CHCHD3: variants seen among roughly 807,000 people sequenced by gnomAD.
CHCHD3 encodes MICOS complex subunit MIC19.
A neutral mutation model predicts 38.2 loss-of-function variants in CHCHD3; 20 were observed. That is an observed-to-expected ratio of 0.52 (90% confidence interval 0.37 to 0.76). The LOEUF (loss-of-function observed/expected upper bound fraction) is 0.76. Among genes scored for constraint, CHCHD3 ranks in the 30% least tolerant of loss-of-function variants. The probability of loss-of-function intolerance (pLI) is 0.00; values close to 1 mark genes in which losing one functional copy is unlikely to be tolerated. For missense variants in CHCHD3, 245 were observed against 279.2 expected (o/e 0.88, Z 0.87); for synonymous variants, 82 against 100.0 (o/e 0.82, Z 1.07).
intron 2 of CHCHD3, among the ~76,000 whole-genome samples, chr7:133,053,237 A>T (rs1194958707): frequency 6.6e-6 from 1 of 152,216 alleles, no homozygotes; most frequent in African/African-American, 2.4e-5. Context: ...TCAGGGCTTA[A>T]ATATCTATCA....
intron 3 of CHCHD3, among the ~76,000 whole-genome samples, chr7:132,987,532 CATT>C (rs1812152509): frequency 6.6e-6 from 1 of 152,154 alleles, no homozygotes; most frequent in Admixed American, 6.5e-5. Context: ...AGATGGACGA[CATT>C]ATGGTGATGA....
chr7:133,021,568 T>TA (rs1253069606), intron 3 of CHCHD3, among the ~76,000 whole-genome samples: 1 of 152,182 alleles, frequency 6.6e-6, no homozygotes, highest in East Asian at 1.9e-4. Flanking sequence ...TCCAACTAAA[T>TA]AAATCTAACT....
At chr7:132,862,866 C>T (rs1808530183) in intron 5 of CHCHD3, among the ~76,000 whole-genome samples, 1 of 152,182 alleles carries the variant, frequency 6.6e-6, no homozygotes, top group East Asian at 1.9e-4. Flanking sequence ...CAAGTTTGCT[C>T]CTCAAACATT....
Position 132,895,154 on chromosome 7 carries a change from T to C in CHCHD3, c.370-9409A>G, listed in dbSNP as rs1222762611. ...CATATTATAAAGACACTCCTACATA[T>C]GCTGCATGAACAGGTTAAAGAAATC... is the stretch of plus-strand genomic sequence containing the variant. On this transcript the variant is annotated intron_variant, in intron 4 of 7. Coordinates refer to ENST00000262570, the MANE Select transcript of CHCHD3 (RefSeq NM_017812.4). 2.0e-5 allele frequency among the ~76,000 whole-genome samples: 3 copies of C among 152,238 alleles called. No individual in the cohort carries two copies. In the East Asian group the frequency reaches 5.8e-4, roughly 29 times the overall value.
At chr7:133,006,951 C>T (rs1002825752) in intron 3 of CHCHD3, among the ~76,000 whole-genome samples, 1 of 151,994 alleles carries the variant, frequency 6.6e-6, no homozygotes, top group Non-Finnish European at 1.5e-5. Context: ...CACTATAATA[C>T]CACTTGTTAT....
At chr7:133,003,206 C>A (rs191774700) in intron 3 of CHCHD3, among the ~76,000 whole-genome samples, 1 of 150,910 alleles carries the variant, frequency 6.6e-6, no homozygotes, top group East Asian at 2.0e-4. Context: ...ACACGACTTG[C>A]AGAAGACTGC....
chr7:132,968,867 T>C (rs1811541815), intron 4 of CHCHD3, among the ~76,000 whole-genome samples: 1 of 152,238 alleles, frequency 6.6e-6, no homozygotes, highest in Admixed American at 6.5e-5. Context: ...TGGACAGCAG[T>C]AGTGTTCTTA....
At chr7:133,017,165 A>G (rs1294830373) in intron 3 of CHCHD3, among the ~76,000 whole-genome samples, 1 of 152,174 alleles carries the variant, frequency 6.6e-6, no homozygotes, top group African/African-American at 2.4e-5. Context: ...CTTTAACCAG[A>G]CAGCACTTAA....
intron 4 of CHCHD3, among the ~76,000 whole-genome samples, chr7:132,913,721 C>G (rs1354741672): frequency 6.6e-6 from 1 of 152,100 alleles, no homozygotes; most frequent in Non-Finnish European, 1.5e-5. Flanking sequence ...AGAGAGGCAC[C>G]ACAGGGGGCT....
At chr7:132,934,383 T>C (rs946186965) in intron 4 of CHCHD3, among the ~76,000 whole-genome samples, 12 of 152,178 alleles carry the variant, frequency 7.9e-5, no homozygotes, top group African/African-American at 2.7e-4. Context: ...AGGATTTCTA[T>C]ATCCTAGAGA....
intron 4 of CHCHD3, among the ~76,000 whole-genome samples, chr7:132,924,238 T>C (rs1398731293): frequency 6.6e-6 from 1 of 152,174 alleles, no homozygotes; most frequent in Non-Finnish European, 1.5e-5. Flanking sequence ...ATGCATCTTA[T>C]GGAAATTTTG....
chr7:132,961,840 C>T (rs1470161652), intron 4 of CHCHD3, among the ~76,000 whole-genome samples: 7 of 152,202 alleles, frequency 4.6e-5, no homozygotes, highest in African/African-American at 1.7e-4. Context: ...TCTGTGAGTT[C>T]AACTTTTCTA....
intron 5 of CHCHD3, among the ~76,000 whole-genome samples, chr7:132,844,258 A>G (rs1439714928): frequency 7.2e-5 from 11 of 152,226 alleles, no homozygotes; most frequent in Non-Finnish European, 1.3e-4. Flanking sequence ...AGATTGTGCC[A>G]CTGCACTCCA....
chr7:132,930,163 AT>A (rs769791949), intron 4 of CHCHD3, among the ~76,000 whole-genome samples: 432 of 127,462 alleles, frequency 3.4e-3, no homozygotes, highest in African/African-American at 9.1e-3. Context: ...CCCACTCCTA[AT>A]TTTTTTTTTT....
chr7:132,866,996 C>A (rs1275575898), intron 5 of CHCHD3, among the ~76,000 whole-genome samples: 1 of 152,188 alleles, frequency 6.6e-6, no homozygotes, highest in Non-Finnish European at 1.5e-5. Context: ...AAAACAGCAT[C>A]ACGCACACCT....
At chr7:132,852,479 A>G (rs1164211913) in intron 5 of CHCHD3, among the ~76,000 whole-genome samples, 1 of 152,194 alleles carries the variant, frequency 6.6e-6, no homozygotes, top group African/African-American at 2.4e-5. Context: ...GGTCCATCCT[A>G]TTGACCGAAA....
chr7:132,968,287 C>T lies in CHCHD3; in HGVS notation c.369+6882G>A, dbSNP rs117599078. On this transcript the variant is annotated intron_variant, in intron 4 of 7. Transcript: ENST00000262570. Reference sequence around the variant, plus strand: ...GGGCTCCCACCTGTCGTGAGGGATGCTTCCCTTTGAATTTCCTGGTAAGCT... The same window carrying T: ...GGGCTCCCACCTGTCGTGAGGGATGTTTCCCTTTGAATTTCCTGGTAAGCT... Among the ~76,000 whole-genome samples, 1,274 of 152,288 alleles carry T rather than the reference C, an allele frequency of 8.4e-3. 10 individuals carry two copies. The highest frequency in any genetic ancestry group is 0.066 in the South Asian group (317 of 4,818).
chr7:132,878,438 T>C (rs1808969267), intron 5 of CHCHD3, among the ~76,000 whole-genome samples: 1 of 152,220 alleles, frequency 6.6e-6, no homozygotes, highest in African/African-American at 2.4e-5. Context: ...TCATCTGCCA[T>C]AAGTGAGAGA....
chr7:133,081,765 C>T, intron 1 of CHCHD3, 92 bp downstream of exon 1: 3 of 1,307,158 alleles, frequency 2.3e-6, no homozygotes, highest in Non-Finnish European at 3.2e-6. Context: ...GGGTCCAGGA[C>T]GGGAGAAACC....
Sources: gnomAD v4.1 joint callset for allele counts (sites outside exome capture counted in the v4.1 genomes callset) on GRCh38, gnomAD v4.1.1 for gene constraint, MANE v1.5 for transcripts, NCBI Gene and HGNC (gene_info 2026-07-23, HGNC 2026-07-21) for gene names.